The following DNAI4 variants were observed in gnomAD, a reference collection of about 807,000 sequenced individuals.
DNAI4 encodes the protein WD repeat domain 78.
Under a neutral mutation model 105.8 loss-of-function variants are expected in DNAI4, and 85 were observed. The observed-to-expected ratio is 0.80, with a 90% confidence interval of 0.67 to 0.96. The LOEUF is 0.96. Ranked by LOEUF, DNAI4 falls within the 40% of genes least tolerant of loss-of-function variation. DNAI4 has a pLI of 0.00. For missense variants in DNAI4, 1,014 were observed against 1,005.6 expected, an observed-to-expected ratio of 1.01 and a Z score of -0.11; for synonymous variants, 352 against 331.5, an observed-to-expected ratio of 1.06 and a Z score of -0.67.
At chr1:66,884,438 G>C (rs1644057011) in intron 4 of DNAI4, among the ~76,000 whole-genome samples, 1 of 152,180 alleles carries the variant, frequency 6.6e-6, no homozygotes, top group African/African-American at 2.4e-5. Context: ...CCCATCAACA[G>C]TGTATAAGAG....
intron 1 of DNAI4, among the ~76,000 whole-genome samples, chr1:66,924,233 C>G (rs547190553): frequency 5.3e-5 from 8 of 152,350 alleles, no homozygotes; most frequent in Non-Finnish European, 1.2e-4. Flanking sequence ...TGCAACGGCA[C>G]GATCTCGGCT....
At chr1:66,915,876 C>T (rs1242096257) in intron 1 of DNAI4, among the ~76,000 whole-genome samples, 1 of 151,998 alleles carries the variant, frequency 6.6e-6, no homozygotes, top group Non-Finnish European at 1.5e-5. Context: ...TAATCCAACA[C>T]TTTGGGAGGC....
chr1:66,918,186 A>G (rs1650200141), intron 1 of DNAI4, among the ~76,000 whole-genome samples: 1 of 152,248 alleles, frequency 6.6e-6, no homozygotes, highest in Non-Finnish European at 1.5e-5. Flanking sequence ...GTATAGAAAT[A>G]ATTAGGCCAA....
chr1:66,836,186 AAGAAAGAAAGAAAGAAAGAAAGAGAGAG>A (rs1645990233), intron 10 of DNAI4, among the ~76,000 whole-genome samples: 2 of 65,624 alleles, frequency 3.0e-5, no homozygotes, highest in Non-Finnish European at 7.2e-5. Flanking sequence ...GAAAGAAAGA[AAGAAAGAAAGAAAGAAAGAAAGAGAGAG>A]AGAGAGAGAG....
At chr1:66,866,577 G>C (rs1049404148) in intron 6 of DNAI4, among the ~76,000 whole-genome samples, 9 of 152,000 alleles carry the variant, frequency 5.9e-5, no homozygotes, top group African/African-American at 2.2e-4. Context: ...CAGATCTCCT[G>C]TTCAATGTAT....
chr1:66,851,892 A>G (rs967593680), intron 7 of DNAI4, among the ~76,000 whole-genome samples: 3 of 151,928 alleles, frequency 2.0e-5, no homozygotes, highest in Non-Finnish European at 4.4e-5. Flanking sequence ...AAAGAGCAAA[A>G]TAAACTTAAA....
At chr1:66,824,421 A>T (rs1645705213) in intron 15 of DNAI4, among the ~76,000 whole-genome samples, 1 of 152,170 alleles carries the variant, frequency 6.6e-6, no homozygotes, top group Non-Finnish European at 1.5e-5. Context: ...ACGAACTTTA[A>T]AGTAGTTTTT....
At chr1:66,878,132 C>T (rs983456821) in intron 4 of DNAI4, among the ~76,000 whole-genome samples, 6 of 151,938 alleles carry the variant, frequency 3.9e-5, no homozygotes, top group African/African-American at 9.7e-5. Context: ...TTGGAATTCT[C>T]GTGTAAAAAG....
chr1:66,836,238 GAA>G lies in DNAI4; in HGVS notation c.1582-463_1582-462del, dbSNP rs1557908594. The stretch of plus-strand genomic sequence containing the variant: ...AGAGAGAGAGAGAGAGAGAGAGAAA[GAA>G]AGAAAGAGAGAGAGAGAAAGAAAGA... On this transcript the variant is annotated intron_variant, in intron 10 of 16. Transcript: ENST00000371026. Among the ~76,000 whole-genome samples, 13 of 132,668 alleles carry G rather than the reference GAA, an allele frequency of 9.8e-5. 1 individual carries two copies. Among genetic ancestry groups the G allele is most frequent in the Non-Finnish European group, 1.1e-4 (7 of 62,426 alleles). The allele number at this position is 132,668 out of a possible 152,430, so 87.0% of individuals were successfully genotyped here.
chr1:66,883,180 C>CTTTTTTTTTTTTTTTTTTTTTTTTTT (rs755412295), intron 4 of DNAI4, among the ~76,000 whole-genome samples: 1 of 93,024 alleles, frequency 1.1e-5, no homozygotes, highest in Non-Finnish European at 2.2e-5. Context: ...GTTTTCTTTT[C>CTTTTTTTTTTTTTTTTTTTTTTTTTT]TTTTTTTTTT....
In DNAI4 at chr1:66,817,205, C is replaced by T. The variant is rs1478879831; in HGVS notation, c.2497-3025G>A. Among the ~76,000 whole-genome samples the T allele has an allele frequency of 2.0e-5, 3 of 152,266 alleles. No homozygotes were observed. The East Asian group carries it at 5.8e-4, about 29-fold the overall frequency. On this transcript the variant is annotated intron_variant, in intron 16 of 16. Transcript: ENST00000371026. ...TCAATTTGTCAGTATACAAACAAGG[C>T]TACTATAAACATTGTTTTCTCATTA...
At chr1:66,905,070 A>C in intron 2 of DNAI4, 131 bp downstream of exon 2, 3 of 718,110 alleles carry the variant, frequency 4.2e-6, no homozygotes, top group Non-Finnish European at 4.2e-6. Flanking sequence ...ATATGTGGTA[A>C]AAATTAACAA....
At chr1:66,823,307 G>A (rs7364640) in intron 15 of DNAI4, among the ~76,000 whole-genome samples, 63,876 of 149,420 alleles carry the variant, frequency 0.43, 14,273 homozygotes, top group South Asian at 0.53. Context: ...CCAGTCTATC[G>A]TCGTTGGACA....
rs1054473203 is a variant in DNAI4 at position 66,847,545 on chromosome 1, A to G, written c.1230T>C (p.Val410=). 5.0e-6 allele frequency: 8 copies of G among 1,613,936 alleles called. No homozygotes were observed. In the Admixed American group the frequency reaches 1.2e-4, roughly 24 times the overall value. The change falls in exon 8 of 17, where the codon GTT becomes GTC. Residue 410 remains valine, a synonymous_variant. Transcript: ENST00000371026. ...TGGGCTGAAATATATTTTCCATCAG[A>G]ACCCGTTCCATAAAAAATAAGTCCT... ...FHQDLFFMER[V]LMENIFQPKL...
chr1:66,906,828 C>T (rs1391236605), intron 1 of DNAI4: 4 of 152,132 alleles, frequency 2.6e-5, no homozygotes, highest in Admixed American at 6.6e-5. Flanking sequence ...TATTTCACCA[C>T]CTCCTTTAAA....
chr1:66,823,468 C>T (rs1645679146), intron 15 of DNAI4, among the ~76,000 whole-genome samples: 1 of 149,800 alleles, frequency 6.7e-6, no homozygotes, highest in Non-Finnish European at 1.5e-5. Flanking sequence ...GTTCTAGATC[C>T]CTGAGGAATC....
intron 16 of DNAI4, 86 bp from the exon 17 acceptor site, chr1:66,814,266 TAA>T: frequency 9.8e-7 from 1 of 1,015,364 alleles, no homozygotes; most frequent in Non-Finnish European, 1.5e-6. Flanking sequence ...TTAAAATTTA[TAA>T]GTTAGTGATA....
At chr1:66,877,446 C>T (rs767995062) in intron 4 of DNAI4, among the ~76,000 whole-genome samples, 7 of 152,088 alleles carry the variant, frequency 4.6e-5, no homozygotes, top group Non-Finnish European at 8.8e-5. Context: ...ATTGCTTGGA[C>T]TTACCTCTAG....
intron 10 of DNAI4, 60 bp downstream of exon 10, chr1:66,837,650 A>T: frequency 6.7e-7 from 1 of 1,491,456 alleles, no homozygotes; most frequent in Non-Finnish European, 9.2e-7. Flanking sequence ...GTAATTATAT[A>T]TTTTATGAGA....
Sources: allele counts gnomAD v4.1 joint callset (sites outside exome capture counted in the v4.1 genomes callset), GRCh38; gene constraint gnomAD v4.1.1; transcripts MANE v1.5; gene names NCBI Gene and HGNC (gene_info 2026-07-23, HGNC 2026-07-21).